Variants in RMDN3 observed in about 807,000 individuals in gnomAD.
RMDN3 encodes regulator of microtubule dynamics 3, also known as regulator of microtubule dynamics protein 3.
RMDN3 carries 41 observed loss-of-function variants against 61.8 expected under a neutral mutation model. The observed-to-expected ratio is 0.66, with a 90% confidence interval of 0.52 to 0.86. The LOEUF (loss-of-function observed/expected upper bound fraction) is 0.86. Ranked by LOEUF, RMDN3 falls within the 40% of genes least tolerant of loss-of-function variation. The probability of loss-of-function intolerance (pLI) is 0.00; values close to 1 mark genes in which losing one functional copy is unlikely to be tolerated. For missense variants in RMDN3, 557 were observed against 585.3 expected, an observed-to-expected ratio of 0.95 and a Z score of 0.50; for synonymous variants, 247 against 232.0, an observed-to-expected ratio of 1.06 and a Z score of -0.59.
intron 12 of RMDN3, 89 bp downstream of exon 12, chr15:40,737,035 T>C: frequency 9.6e-7 from 1 of 1,043,360 alleles, no homozygotes; most frequent in Non-Finnish European, 1.5e-6. Flanking sequence ...GTAATTTTAG[T>C]AGAGATGGGG....
chr15:40,753,092 C>CGGTA (rs1052602379), intron 2 of RMDN3, among the ~76,000 whole-genome samples: 2 of 152,150 alleles, frequency 1.3e-5, no homozygotes, highest in Non-Finnish European at 2.9e-5. Context: ...ACTAGATTAC[C>CGGTA]ACAAGATTAT....
At chr15:40,740,371 T>G (rs1897232605) in intron 6 of RMDN3, among the ~76,000 whole-genome samples, 178 bp from the exon 7 acceptor site, 3 of 152,226 alleles carry the variant, frequency 2.0e-5, no homozygotes, top group African/African-American at 7.2e-5. Context: ...TCACAGTGGC[T>G]CACGCCTCTG....
At chr15:40,745,768 G>A (rs1006093039) in intron 4 of RMDN3, among the ~76,000 whole-genome samples, 1 of 152,244 alleles carries the variant, frequency 6.6e-6, no homozygotes, top group East Asian at 1.9e-4. Flanking sequence ...TGACAGTTAA[G>A]GCAAATGTGA....
chr15:40,746,027 C>A (rs910379493), intron 4 of RMDN3, among the ~76,000 whole-genome samples: 1 of 152,200 alleles, frequency 6.6e-6, no homozygotes, highest in African/African-American at 2.4e-5. Context: ...ATGCAAACTA[C>A]CCCCTGAAAA....
chr15:40,746,291 G>A (rs188163417), intron 4 of RMDN3, among the ~76,000 whole-genome samples: 54 of 152,192 alleles, frequency 3.5e-4, no homozygotes, highest in African/African-American at 1.2e-3. Flanking sequence ...CGAGGCGGGC[G>A]GATCAGGAGG....
intron 2 of RMDN3, among the ~76,000 whole-genome samples, chr15:40,752,802 A>G (rs1566811821): frequency 6.6e-6 from 1 of 152,222 alleles, no homozygotes; most frequent in Non-Finnish European, 1.5e-5. Context: ...CAGCAGTGAA[A>G]TGCTAGCAAA....
intron 8 of RMDN3, among the ~76,000 whole-genome samples, chr15:40,738,263 C>T (rs1217569573): frequency 6.6e-6 from 1 of 152,108 alleles, no homozygotes; most frequent in Non-Finnish European, 1.5e-5. Flanking sequence ...TGGTACATGC[C>T]TGTAATCCCA....
intron 4 of RMDN3, among the ~76,000 whole-genome samples, chr15:40,749,244 G>A (rs1018893298): frequency 5.9e-5 from 9 of 152,214 alleles, no homozygotes; most frequent in Non-Finnish European, 8.8e-5. Flanking sequence ...GACCAGGTGC[G>A]GTGGTTCATA....
chr15:40,751,932 A>AG, intron 3 of RMDN3, 54 bp downstream of exon 3: 1 of 1,558,728 alleles, frequency 6.4e-7, no homozygotes, highest in Non-Finnish European at 8.8e-7. Flanking sequence ...AACACACCCC[A>AG]GCTGAAAAGC....
rs1262528671 is a variant in RMDN3, at chr15:40,736,544, G to C, written c.1410C>G (p.Asp470Glu). The C allele has an allele frequency of 6.2e-7, 1 of 1,613,904 alleles. No individual in the cohort carries two copies. Among genetic ancestry groups the C allele is most frequent in the South Asian group, 1.1e-5 (1 of 91,080 alleles). Residue 470 changes from aspartate (D) to glutamate (E), a missense_variant, in exon 13 of 13, where the codon GAC (aspartate) becomes GAG (glutamate). Coordinates refer to ENST00000338376, the MANE Select transcript of RMDN3 (RefSeq NM_018145.3). ...CATGAAGGCCAGTGAAACGTGGTTA[G>C]TCTCGTAAAATGACTTCCAGTTCTT... ...DLEELEVILRD is the reference protein window; with the variant it reads ...DLEELEVILRE
rs115935208 is a variant in RMDN3, at chr15:40,740,238, C to T, written c.911-45G>A. On this transcript the variant is annotated intron_variant, in intron 6 of 12. Coordinates refer to ENST00000338376, the MANE Select transcript of RMDN3 (RefSeq NM_018145.3). ...CCAGAGTTGACATAGCTCTTATGCA[C>T]ACTTTCATAGGAAGGCTTGTGGGAA... 764 of 1,285,572 alleles carry T rather than the reference C, an allele frequency of 5.9e-4. 5 individuals carry two copies. The African/African-American group carries it at 9.9e-3, about 17-fold the overall frequency. 79.6% of individuals were successfully genotyped at this position (1,285,572 alleles called of 1,614,324 possible).
chr15:40,737,822 T>A (rs1897121704), intron 9 of RMDN3, 96 bp from the exon 10 acceptor site: 1 of 1,474,214 alleles, frequency 6.8e-7, no homozygotes, highest in African/African-American at 1.4e-5. Context: ...CAAACGGGGC[T>A]GGGTCGAACC....
At chr15:40,749,021 C>A (rs144072547) in intron 4 of RMDN3, among the ~76,000 whole-genome samples, 1 of 152,048 alleles carries the variant, frequency 6.6e-6, no homozygotes, top group Non-Finnish European at 1.5e-5. Flanking sequence ...CTTCTGCCTC[C>A]GCCTCCTAGG....
intron 6 of RMDN3, among the ~76,000 whole-genome samples, chr15:40,742,707 C>T (rs1481853777): frequency 2.0e-5 from 3 of 152,290 alleles, no homozygotes; most frequent in Middle Eastern, 3.4e-3. Flanking sequence ...GCTCAGGAGG[C>T]CAGACCAACC....
rs977190769 is a variant in RMDN3 at position 40,751,470 on chromosome 15, C to A, written c.480G>T (p.Thr160=). ...CTGTGAACGTGGCTCCCGAGGAGGCCGTGAAGTAGACAGAGCTGGAGCCAG... is the reference window on the plus strand; with the variant it reads ...CTGTGAACGTGGCTCCCGAGGAGGCAGTGAAGTAGACAGAGCTGGAGCCAG... ...DSTGSSSVYF[T]ASSGATFTDA... is the part of the protein sequence containing the mutation. The change falls in exon 4 of 13, where the codon ACG becomes ACT. Residue 160 remains threonine (T), a synonymous_variant. Transcript: ENST00000338376. The A allele has an allele frequency of 6.2e-7, 1 of 1,614,192 alleles. No homozygotes were observed. Among genetic ancestry groups the A allele is most frequent in the Non-Finnish European group, 8.5e-7 (1 of 1,180,040 alleles).
At position 40,740,210 on chromosome 15, in the gene RMDN3, G is replaced by A. The variant is rs922786316; in HGVS notation, c.911-17C>T. 6.3e-7 allele frequency: 1 copy of A among 1,589,338 alleles called. No individual in the cohort carries two copies. Among genetic ancestry groups the A allele is most frequent in the South Asian group, 1.1e-5 (1 of 89,788 alleles). On this transcript the variant is annotated splice_polypyrimidine_tract_variant and intron_variant, in intron 6 of 12. Transcript: ENST00000338376. The stretch of plus-strand genomic sequence containing the variant: ...CTTCTTTTCCTGTAGGACGAAGGTA[G>A]ATCCAGAGTTGACATAGCTCTTATG...
At position 40,736,500 on chromosome 15, in the gene RMDN3, T is replaced by G. The variant is rs1294445399; in HGVS notation, c.*41A>C. 1 of 1,590,118 alleles carries G rather than the reference T, an allele frequency of 6.3e-7. No homozygotes were observed. The highest frequency in any genetic ancestry group is 8.6e-7 in the Non-Finnish European group (1 of 1,158,720). On this transcript the variant is annotated 3_prime_UTR_variant, in exon 13 of 13. Coordinates refer to ENST00000338376, the MANE Select transcript of RMDN3 (RefSeq NM_018145.3). ...AAAAAAGCCTCCCCGCCCCCCCACC[T>G]TAAATAGTGGCATCAAGTCATGAAG...
chr15:40,744,968 G>A lies in RMDN3; in HGVS notation c.807+9C>T. On this transcript the variant is annotated intron_variant, in intron 5 of 12. Transcript: ENST00000338376. ...GGAAGGAGAAGGAGACAGGCAGCTG[G>A]AGCCTCACCACCAGCTTGTTGTTGA... The A allele has an allele frequency of 6.3e-7, 1 of 1,586,466 alleles. No homozygotes were observed. The highest frequency in any genetic ancestry group is 8.6e-7 in the Non-Finnish European group (1 of 1,164,612).
intron 7 of RMDN3, chr15:40,739,001 T>C (rs1897176759): frequency 6.2e-6 from 1 of 160,758 alleles, no homozygotes. Context: ...CCTTTAAGCA[T>C]ACAGGTGTAT....
Sources: allele counts gnomAD v4.1 joint callset (sites outside exome capture counted in the v4.1 genomes callset), GRCh38; gene constraint gnomAD v4.1.1; transcripts MANE v1.5; gene names NCBI Gene and HGNC (gene_info 2026-07-23, HGNC 2026-07-21).